SGCD: variants seen among roughly 807,000 people sequenced by gnomAD.
SGCD encodes the protein sarcoglycan delta, also known as delta-sarcoglycan.
In SGCD, 18 loss-of-function variants were observed where a neutral mutation model predicts 36.6. The observed-to-expected ratio is 0.49, with a 90% CI of 0.34 to 0.73. The LOEUF (loss-of-function observed/expected upper bound fraction) is 0.73, where lower values mean the gene tolerates loss of function less well. SGCD is among the 30% of genes least tolerant of loss of function. The pLI, the probability that SGCD is intolerant of heterozygous loss-of-function variation, is 0.01. For missense variants in SGCD, 387 were observed against 346.7 expected, an observed-to-expected ratio of 1.12 and a Z score of -0.92; for synonymous variants, 133 against 130.6, an observed-to-expected ratio of 1.02 and a Z score of -0.12.
intron 3 of SGCD, among the ~76,000 whole-genome samples, chr5:156,303,734 T>A (rs2127686012): frequency 6.6e-6 from 1 of 151,284 alleles, no homozygotes; most frequent in South Asian, 2.1e-4. Context: ...TGGCCTAGGG[T>A]GTGTCTATAT....
chr5:156,425,352 C>T (rs181402921), intron 3 of SGCD, among the ~76,000 whole-genome samples: 273 of 152,212 alleles, frequency 1.8e-3, no homozygotes, highest in African/African-American at 6.1e-3. Flanking sequence ...GATGTTCTCT[C>T]TGCTATAATT....
At chr5:156,021,532 A>G (rs952825881) in intron 1 of SGCD, among the ~76,000 whole-genome samples, 1 of 152,138 alleles carries the variant, frequency 6.6e-6, no homozygotes, top group Non-Finnish European at 1.5e-5. Context: ...AAAATAAAAT[A>G]ATAAAGGCCT....
At chr5:156,473,605 T>C (rs995042854) in intron 3 of SGCD, among the ~76,000 whole-genome samples, 10 of 152,328 alleles carry the variant, frequency 6.6e-5, no homozygotes, top group African/African-American at 2.4e-4. Flanking sequence ...TTTTTATAAA[T>C]TGTTTTCTTT....
chr5:156,379,661 A>AG (rs151146346), intron 3 of SGCD, among the ~76,000 whole-genome samples: 8,853 of 152,240 alleles, frequency 0.058, 340 homozygotes, highest in Middle Eastern at 0.095. Flanking sequence ...ACACAGCAGA[A>AG]GGGGAGAGGG....
intron 1 of SGCD, among the ~76,000 whole-genome samples, chr5:156,072,022 G>A (rs528166916): frequency 5.3e-5 from 8 of 152,188 alleles, no homozygotes; most frequent in East Asian, 1.9e-4. Flanking sequence ...GCCTATGTGC[G>A]TCTCTGCACG....
At chr5:156,337,870 T>G (rs1768439604) in intron 2 of SGCD, among the ~76,000 whole-genome samples, 1 of 152,204 alleles carries the variant, frequency 6.6e-6, no homozygotes. Context: ...GATTGGAATT[T>G]TTTTTGTAAG....
intron 4 of SGCD, among the ~76,000 whole-genome samples, chr5:156,585,002 G>C (rs184066509): frequency 1.4e-4 from 21 of 152,210 alleles, no homozygotes; most frequent in Non-Finnish European, 2.6e-4. Context: ...TCCCCTTGCA[G>C]TGGTGACAGA....
At chr5:156,120,043 A>G (rs1370373593) in intron 2 of SGCD, among the ~76,000 whole-genome samples, 1 of 152,148 alleles carries the variant, frequency 6.6e-6, no homozygotes, top group Non-Finnish European at 1.5e-5. Flanking sequence ...TATTCCTAGT[A>G]TATACTTTCT....
intron 3 of SGCD, among the ~76,000 whole-genome samples, chr5:156,290,362 A>G (rs779291813): frequency 6.6e-6 from 1 of 152,164 alleles, no homozygotes; most frequent in Non-Finnish European, 1.5e-5. Context: ...AGTTAACTGC[A>G]TCTGTGATCA....
chr5:156,136,190 T>G (rs1392441428), intron 3 of SGCD, among the ~76,000 whole-genome samples: 1 of 152,204 alleles, frequency 6.6e-6, no homozygotes, highest in East Asian at 1.9e-4. Flanking sequence ...GCAGCTCACT[T>G]CAGCCTCTGC....
chr5:155,738,874 TGA>T, the SGCD span, among the ~76,000 whole-genome samples: 7,426 of 148,396 alleles, frequency 0.05, 221 homozygotes, highest in Middle Eastern at 0.083. Context: ...TGAGTGCGTG[TGA>T]GAGAGAGTGT....
chr5:156,004,145 G>T (rs956646462), intron 1 of SGCD, among the ~76,000 whole-genome samples: 4 of 152,216 alleles, frequency 2.6e-5, no homozygotes, highest in African/African-American at 7.2e-5. Context: ...AATTAGTTAT[G>T]CCAGTCCTTA....
At chr5:156,095,292 A>ATC (rs1347104655) in intron 1 of SGCD, among the ~76,000 whole-genome samples, 3 of 152,174 alleles carry the variant, frequency 2.0e-5, no homozygotes, top group Non-Finnish European at 1.5e-5. Flanking sequence ...GGGAGGGGAG[A>ATC]TGGAAAATGA....
chr5:156,573,989 A>T (rs1759825992), intron 4 of SGCD, among the ~76,000 whole-genome samples: 1 of 152,084 alleles, frequency 6.6e-6, no homozygotes, highest in Admixed American at 6.6e-5. Flanking sequence ...CACTGCACCC[A>T]TCCCCATCCT....
intron 3 of SGCD, among the ~76,000 whole-genome samples, chr5:156,394,343 C>T (rs1363786340): frequency 6.6e-6 from 1 of 152,140 alleles, no homozygotes; most frequent in Non-Finnish European, 1.5e-5. Flanking sequence ...AACATAATAG[C>T]TCCAATAACT....
chr5:156,198,360 G>C (rs1423879430), intron 3 of SGCD, among the ~76,000 whole-genome samples: 1 of 152,064 alleles, frequency 6.6e-6, no homozygotes, highest in Non-Finnish European at 1.5e-5. Flanking sequence ...CTTTCATTTA[G>C]TAATAATAAT....
intron 3 of SGCD, among the ~76,000 whole-genome samples, chr5:156,276,364 T>C (rs1466056745): frequency 6.6e-6 from 1 of 152,198 alleles, no homozygotes; most frequent in Non-Finnish European, 1.5e-5. Flanking sequence ...ACTTTGAATT[T>C]CAAAACCTCG....
At chr5:156,470,443 C>G (rs568270340) in intron 3 of SGCD, among the ~76,000 whole-genome samples, 1 of 152,110 alleles carries the variant, frequency 6.6e-6, no homozygotes, top group South Asian at 2.1e-4. Flanking sequence ...GCTGCACCCA[C>G]TAACTCGTCA....
Position 156,484,078 on chromosome 5 carries a change from G to A in SGCD, c.193-24523G>A, listed in dbSNP as rs114178238. Among the ~76,000 whole-genome samples the A allele has an allele frequency of 4.4e-3, 673 of 152,276 alleles. 3 individuals carry two copies. The highest frequency in any genetic ancestry group is 0.014 in the African/African-American group (601 of 41,558). Reference sequence around the variant, plus strand: ...AAACAAACTCCAGTGAATCCCACATGTCAAGCCTAGACCTAAGGGAAATTA... The same window carrying A: ...AAACAAACTCCAGTGAATCCCACATATCAAGCCTAGACCTAAGGGAAATTA... On this transcript the variant is annotated intron_variant, in intron 3 of 8. Coordinates refer to ENST00000337851, the MANE Select transcript of SGCD (RefSeq NM_000337.6).
Sources: allele counts gnomAD v4.1 joint callset (sites outside exome capture counted in the v4.1 genomes callset), GRCh38; gene constraint gnomAD v4.1.1; transcripts MANE v1.5; gene names NCBI Gene and HGNC (gene_info 2026-07-23, HGNC 2026-07-21).